Variants in PTPRD observed in about 807,000 individuals in gnomAD.
PTPRD encodes the protein receptor-type tyrosine-protein phosphatase delta.
A neutral mutation model predicts 214.5 loss-of-function variants in PTPRD; 34 were observed. The observed-to-expected ratio is 0.16, with a 90% CI of 0.12 to 0.21. The LOEUF (loss-of-function observed/expected upper bound fraction) is 0.21, where lower values mean the gene tolerates loss of function less well. Ranked by LOEUF, PTPRD falls within the 10% of genes least tolerant of loss-of-function variation. The pLI is 1.00. For missense variants in PTPRD, 2,545 were observed against 2,398.7 expected (o/e 1.06, Z -1.27); for synonymous variants, 1,128 against 845.7 (o/e 1.33, Z -5.79).
chr9:9,736,756 T>C (rs1006238669), intron 6 of PTPRD, among the ~76,000 whole-genome samples: 1 of 152,046 alleles, frequency 6.6e-6, no homozygotes, highest in African/African-American at 2.4e-5. Context: ...AAGGTTTTTT[T>C]AAGTTATTTT....
At chr9:10,419,234 G>C (rs1347244574) in intron 2 of PTPRD, among the ~76,000 whole-genome samples, 2 of 152,036 alleles carry the variant, frequency 1.3e-5, no homozygotes, top group African/African-American at 2.4e-5. Flanking sequence ...TATCCCATCA[G>C]TGGTCAAAAA....
intron 7 of PTPRD, among the ~76,000 whole-genome samples, chr9:9,642,575 G>A (rs2096003334): frequency 6.6e-6 from 1 of 152,000 alleles, no homozygotes; most frequent in South Asian, 2.1e-4. Flanking sequence ...AGATATGAAA[G>A]CTCTCTCCCT....
intron 5 of PTPRD, among the ~76,000 whole-genome samples, chr9:9,781,634 T>C (rs1217376747): frequency 6.6e-6 from 1 of 152,130 alleles, no homozygotes; most frequent in Non-Finnish European, 1.5e-5. Context: ...GTGTTTCCTT[T>C]CCCTGAATTA....
intron 2 of PTPRD, among the ~76,000 whole-genome samples, chr9:10,490,258 G>A (rs538669811): frequency 6.6e-6 from 1 of 152,220 alleles, no homozygotes; most frequent in South Asian, 2.1e-4. Flanking sequence ...ACATACAATT[G>A]CAAAAGCAGT....
chr9:9,155,111 T>A (rs1027924894), intron 10 of PTPRD, among the ~76,000 whole-genome samples: 1 of 152,186 alleles, frequency 6.6e-6, no homozygotes, highest in East Asian at 1.9e-4. Context: ...TCTTATGTAG[T>A]ACGAAATGAC....
intron 12 of PTPRD, among the ~76,000 whole-genome samples, chr9:8,645,634 G>T (rs546690187): frequency 1.3e-5 from 2 of 151,948 alleles, no homozygotes; most frequent in African/African-American, 4.8e-5. Flanking sequence ...TGACAGACAG[G>T]AACAGAAAAG....
chr9:9,137,609 A>C (rs1039230580), intron 10 of PTPRD, among the ~76,000 whole-genome samples: 9 of 152,154 alleles, frequency 5.9e-5, no homozygotes, highest in African/African-American at 1.9e-4. Context: ...AATGTGTTGA[A>C]CAAGGACTGG....
chr9:9,834,100 C>A (rs2153612776), intron 5 of PTPRD, among the ~76,000 whole-genome samples: 1 of 152,066 alleles, frequency 6.6e-6, no homozygotes, highest in South Asian at 2.1e-4. Context: ...TTAGAGATTG[C>A]AGTAAAGACA....
At chr9:9,816,061 T>C (rs372059020) in intron 5 of PTPRD, among the ~76,000 whole-genome samples, 1 of 152,160 alleles carries the variant, frequency 6.6e-6, no homozygotes, top group East Asian at 1.9e-4. Context: ...ATAAGCATGG[T>C]TGTGGTCATC....
At chr9:10,181,766 A>G (rs1010126272) in intron 3 of PTPRD, among the ~76,000 whole-genome samples, 1 of 151,356 alleles carries the variant, frequency 6.6e-6, no homozygotes, top group African/African-American at 2.4e-5. Flanking sequence ...TTCTCATTAC[A>G]TGGAGGAAAA....
intron 9 of PTPRD, among the ~76,000 whole-genome samples, chr9:9,379,211 G>T (rs2061535045): frequency 7.0e-6 from 1 of 141,958 alleles, no homozygotes; most frequent in Admixed American, 7.0e-5. Flanking sequence ...ATATATATAT[G>T]ATATATATTT....
intron 2 of PTPRD, among the ~76,000 whole-genome samples, chr9:10,519,085 T>C (rs2051206441): frequency 6.6e-6 from 1 of 151,804 alleles, no homozygotes; most frequent in Admixed American, 6.6e-5. Context: ...ATATCCTCAT[T>C]GTCAGACGAG....
At chr9:9,717,525 T>G (rs559507712) in intron 7 of PTPRD, among the ~76,000 whole-genome samples, 1 of 152,356 alleles carries the variant, frequency 6.6e-6, no homozygotes, top group South Asian at 2.1e-4. Context: ...AACTCACTCA[T>G]TTTGTTTACA....
intron 11 of PTPRD, among the ~76,000 whole-genome samples, chr9:8,918,393 T>C (rs2098801997): frequency 6.6e-6 from 1 of 152,172 alleles, no homozygotes; most frequent in African/African-American, 2.4e-5. Context: ...GAACTTTTTG[T>C]TAGCATGGTG....
At chr9:8,907,121 A>T (rs2098713209) in intron 11 of PTPRD, among the ~76,000 whole-genome samples, 1 of 152,152 alleles carries the variant, frequency 6.6e-6, no homozygotes, top group African/African-American at 2.4e-5. Flanking sequence ...AGATTCTGCA[A>T]ATTAAATCCA....
In PTPRD at chr9:8,474,604, T is replaced by C. The variant is rs543247502; in HGVS notation, c.3414-3519A>G. On this transcript the variant is annotated intron_variant, in intron 30 of 45. Coordinates refer to ENST00000381196, the MANE Select transcript of PTPRD (RefSeq NM_002839.4). The stretch of plus-strand genomic sequence containing the variant: ...ACACGGCCTGGCAATCTTACCACTA[T>C]CTAGTTTCCTAATAACTGCTCCAAT... 3.9e-5 allele frequency among the ~76,000 whole-genome samples: 6 copies of C among 152,310 alleles called. No individual in the cohort carries two copies. In the East Asian group the frequency reaches 1.2e-3, roughly 29 times the overall value.
intron 2 of PTPRD, among the ~76,000 whole-genome samples, chr9:10,555,332 G>A (rs1429785636): frequency 6.6e-6 from 1 of 152,046 alleles, no homozygotes; most frequent in Non-Finnish European, 1.5e-5. Flanking sequence ...AATAAAATTC[G>A]CAAAACGTTT....
At chr9:10,406,586 T>C (rs1018988829) in intron 2 of PTPRD, among the ~76,000 whole-genome samples, 1 of 151,500 alleles carries the variant, frequency 6.6e-6, no homozygotes, top group Non-Finnish European at 1.5e-5. Flanking sequence ...AAACAAAATA[T>C]CTGCAACCAA....
chr9:9,344,047 G>A (rs2047861615), intron 9 of PTPRD, among the ~76,000 whole-genome samples: 1 of 152,100 alleles, frequency 6.6e-6, no homozygotes, highest in Non-Finnish European at 1.5e-5. Context: ...AGATAGCCAA[G>A]TATACTGAAA....
Sources: gnomAD v4.1 joint callset for allele counts (sites outside exome capture counted in the v4.1 genomes callset) on GRCh38, gnomAD v4.1.1 for gene constraint, MANE v1.5 for transcripts, NCBI Gene and HGNC (gene_info 2026-07-23, HGNC 2026-07-21) for gene names.